Variants in CAMK2D observed in about 807,000 individuals in gnomAD.
CAMK2D encodes calcium/calmodulin dependent protein kinase II delta.
In CAMK2D, 37 loss-of-function variants were observed where a neutral mutation model predicts 84.0. The ratio of observed to expected loss-of-function variants is 0.44; its 90% CI spans 0.34 to 0.58. The LOEUF is 0.58. Among genes scored for constraint, CAMK2D ranks in the 20% least tolerant of loss-of-function variants. CAMK2D has a pLI of 0.02. For synonymous variants in CAMK2D, 202 were observed against 212.5 expected (o/e 0.95, Z 0.43); for missense variants, 448 against 652.5 (o/e 0.69, Z 3.41).
intron 2 of CAMK2D, among the ~76,000 whole-genome samples, chr4:113,714,845 T>C (rs980926911): frequency 5.9e-5 from 9 of 152,176 alleles, no homozygotes; most frequent in South Asian, 2.1e-4. Context: ...ATCTGTCTTA[T>C]ATCAGTACCA....
At position 113,566,671 on chromosome 4, in the gene CAMK2D, C is replaced by T. The variant is rs187163181; in HGVS notation, c.276-14575G>A. Among the ~76,000 whole-genome samples the T allele has an allele frequency of 1.8e-4, 27 of 152,282 alleles. 1 individual carries two copies. The highest frequency in any genetic ancestry group is 3.4e-3 in the Middle Eastern group (1 of 294). On this transcript the variant is annotated intron_variant, in intron 4 of 20. Transcript: ENST00000511664. ...TTGGGATGTTTCATGCCACACTGGCCTTTGTTCTGCTCCTCATTGAAGCCA... is the reference window on the plus strand; with the variant it reads ...TTGGGATGTTTCATGCCACACTGGCTTTTGTTCTGCTCCTCATTGAAGCCA...
intron 2 of CAMK2D, among the ~76,000 whole-genome samples, chr4:113,678,224 A>G (rs2099326883): frequency 1.3e-5 from 2 of 152,196 alleles, no homozygotes; most frequent in African/African-American, 4.8e-5. Context: ...CACAGTAGAA[A>G]GAAGCTGAAC....
chr4:113,706,192 T>C (rs1382530255), intron 2 of CAMK2D, among the ~76,000 whole-genome samples: 2 of 152,196 alleles, frequency 1.3e-5, no homozygotes, highest in Non-Finnish European at 2.9e-5. Flanking sequence ...CTAGTATTAT[T>C]AAACCAGTGA....
intron 2 of CAMK2D, among the ~76,000 whole-genome samples, chr4:113,692,026 T>C (rs1475950888): frequency 6.6e-6 from 1 of 152,206 alleles, no homozygotes; most frequent in Non-Finnish European, 1.5e-5. Context: ...AGAATTAAAA[T>C]GCTGCTGAGG....
chr4:113,577,749 G>A (rs898082869), intron 4 of CAMK2D, among the ~76,000 whole-genome samples: 1 of 106,026 alleles, frequency 9.4e-6, no homozygotes, highest in Admixed American at 1.0e-4. Flanking sequence ...TGGGCTCTTC[G>A]TATACTATTT....
chr4:113,525,719 G>A (rs2098411825), intron 8 of CAMK2D, among the ~76,000 whole-genome samples: 1 of 152,152 alleles, frequency 6.6e-6, no homozygotes, highest in Non-Finnish European at 1.5e-5. Flanking sequence ...CTGTAATGAG[G>A]GTTCAGAGCT....
chr4:113,466,756 G>C (rs1589749372), intron 16 of CAMK2D, among the ~76,000 whole-genome samples: 1 of 152,164 alleles, frequency 6.6e-6, no homozygotes, highest in Non-Finnish European at 1.5e-5. Context: ...TGTTTCTACT[G>C]ACATCTGCCT....
chr4:113,614,192 G>C (rs948465094), intron 3 of CAMK2D, among the ~76,000 whole-genome samples: 1 of 152,026 alleles, frequency 6.6e-6, no homozygotes, highest in African/African-American at 2.4e-5. Context: ...AACCAAGGTT[G>C]TTAATTATAA....
intron 2 of CAMK2D, among the ~76,000 whole-genome samples, chr4:113,676,356 A>C (rs996676997): frequency 6.6e-6 from 1 of 152,088 alleles, no homozygotes; most frequent in Non-Finnish European, 1.5e-5. Context: ...GTTAAAAATC[A>C]CAGTTGCTGG....
Position 113,673,424 on chromosome 4 carries a change from C to A in CAMK2D, c.161-11652G>T, listed in dbSNP as rs150090867. Among the ~76,000 whole-genome samples the A allele has an allele frequency of 3.6e-3, 544 of 152,198 alleles. 4 individuals are homozygous for A. Among genetic ancestry groups the A allele is most frequent in the African/African-American group, 0.013 (525 of 41,512 alleles). On this transcript the variant is annotated intron_variant, in intron 2 of 20. Transcript: ENST00000511664. ...GGAATGATCTCACAAGGGACAATGC[C>A]CAAAAGGACCACCTGGCAAGGCAAT...
At chr4:113,537,711 G>C (rs866385393) in intron 6 of CAMK2D, among the ~76,000 whole-genome samples, 3 of 152,194 alleles carry the variant, frequency 2.0e-5, no homozygotes, top group South Asian at 2.1e-4. Flanking sequence ...AAATGAATGA[G>C]AGCACCTGTC....
chr4:113,750,613 G>C (rs571571864), intron 2 of CAMK2D, among the ~76,000 whole-genome samples: 105 of 152,266 alleles, frequency 6.9e-4, no homozygotes, highest in Non-Finnish European at 1.2e-3. Context: ...TTATCAAGTT[G>C]CCCAGCAAAG....
intron 6 of CAMK2D, among the ~76,000 whole-genome samples, chr4:113,541,232 A>T (rs1026733466): frequency 1.3e-5 from 2 of 152,170 alleles, no homozygotes; most frequent in African/African-American, 4.8e-5. Context: ...GGGAGGCCCA[A>T]AAAGATGAAG....
intron 2 of CAMK2D, among the ~76,000 whole-genome samples, chr4:113,703,552 G>A (rs1327845372): frequency 6.6e-6 from 1 of 152,058 alleles, no homozygotes; most frequent in Admixed American, 6.6e-5. Context: ...TGAACTCCTG[G>A]GCTCAAGCAA....
chr4:113,724,513 T>C (rs1562060974), intron 2 of CAMK2D, among the ~76,000 whole-genome samples: 1 of 151,740 alleles, frequency 6.6e-6, no homozygotes, highest in Non-Finnish European at 1.5e-5. Context: ...TACCGAGCAT[T>C]TACTGCCAGC....
chr4:113,704,301 C>T (rs890822513), intron 2 of CAMK2D, among the ~76,000 whole-genome samples: 1 of 151,918 alleles, frequency 6.6e-6, no homozygotes, highest in Non-Finnish European at 1.5e-5. Context: ...CTTGTGCCTA[C>T]TGAAATGTCA....
intron 7 of CAMK2D, 124 bp from the exon 8 acceptor site, chr4:113,531,423 G>T (rs1442916410): frequency 3.0e-6 from 2 of 659,098 alleles, no homozygotes; most frequent in East Asian, 2.7e-5. Flanking sequence ...ACACAACAAG[G>T]TTCTCAGAGC....
intron 7 of CAMK2D, among the ~76,000 whole-genome samples, chr4:113,536,777 A>G (rs1210001053): frequency 6.6e-6 from 1 of 152,230 alleles, no homozygotes; most frequent in Non-Finnish European, 1.5e-5. Flanking sequence ...AGAAGCAGAA[A>G]TTTCATCATA....
At chr4:113,589,385 A>G (rs948516975) in intron 4 of CAMK2D, among the ~76,000 whole-genome samples, 5 of 152,120 alleles carry the variant, frequency 3.3e-5, no homozygotes, top group Non-Finnish European at 5.9e-5. Flanking sequence ...TTCTGAATAT[A>G]TTAGATTCAA....
Sources: allele counts gnomAD v4.1 joint callset (sites outside exome capture counted in the v4.1 genomes callset), GRCh38; gene constraint gnomAD v4.1.1; transcripts MANE v1.5; gene names NCBI Gene and HGNC (gene_info 2026-07-23, HGNC 2026-07-21).